Variants in WWOX observed in about 807,000 individuals in gnomAD.
WWOX encodes WW domain-containing oxidoreductase.
A neutral mutation model predicts 46.2 loss-of-function variants in WWOX; 69 were observed. The ratio of observed to expected loss-of-function variants is 1.49; its 90% CI spans 1.23 to 1.82. The LOEUF (loss-of-function observed/expected upper bound fraction) is 1.82, where lower values mean the gene tolerates loss of function less well. Ranked by LOEUF, WWOX falls within the 40% of genes most tolerant of loss-of-function variation. WWOX has a pLI of 0.00. For synonymous variants in WWOX, 359 were observed against 202.6 expected, an observed-to-expected ratio of 1.77 and a Z score of -6.56; for missense variants, 919 against 542.6, an observed-to-expected ratio of 1.69 and a Z score of -6.89.
At chr16:78,861,602 A>G (rs182461620) in intron 8 of WWOX, among the ~76,000 whole-genome samples, 37 of 152,348 alleles carry the variant, frequency 2.4e-4, no homozygotes, top group Non-Finnish European at 1.0e-4. Flanking sequence ...TGATAATTAC[A>G]GTATCATCAT....
chr16:79,065,562 A>G (rs1168933584), intron 8 of WWOX, among the ~76,000 whole-genome samples: 6 of 152,152 alleles, frequency 3.9e-5, no homozygotes, highest in African/African-American at 1.4e-4. Context: ...CAAAAAAACC[A>G]GTCTTAGGTT....
rs137875180 is a variant in WWOX, at chr16:79,026,877, C to G, written c.1057-184731C>G. Among the ~76,000 whole-genome samples the G allele has an allele frequency of 4.2e-3, 629 of 150,892 alleles. 29 individuals carry two copies. The highest frequency in any genetic ancestry group is 0.015 in the African/African-American group (617 of 40,702). On this transcript the variant is annotated intron_variant, in intron 8 of 8. Coordinates refer to ENST00000566780, the MANE Select transcript of WWOX (RefSeq NM_016373.4). Reference sequence around the variant, plus strand: ...ATCTCCTGACCTTGTGATCTGCCCACCTCAGCCTCCCAAAGTGCTGGGATT... The same window carrying G: ...ATCTCCTGACCTTGTGATCTGCCCAGCTCAGCCTCCCAAAGTGCTGGGATT...
chr16:78,378,234 A>C (rs1251188221), intron 5 of WWOX, among the ~76,000 whole-genome samples: 1 of 152,174 alleles, frequency 6.6e-6, no homozygotes, highest in Non-Finnish European at 1.5e-5. Context: ...TTAAAAGCAA[A>C]GTGATAAAAT....
intron 8 of WWOX, among the ~76,000 whole-genome samples, chr16:78,711,670 T>G (rs892870542): frequency 6.6e-6 from 1 of 152,172 alleles, no homozygotes; most frequent in Admixed American, 6.5e-5. Flanking sequence ...ACAGGCCAAA[T>G]GAAAGAACCT....
At chr16:78,152,655 C>G (rs763268690) in intron 4 of WWOX, among the ~76,000 whole-genome samples, 1 of 152,106 alleles carries the variant, frequency 6.6e-6, no homozygotes, top group East Asian at 1.9e-4. Flanking sequence ...CTCACTCATT[C>G]CTAACCAGGA....
intron 8 of WWOX, among the ~76,000 whole-genome samples, chr16:78,627,162 TTC>T (rs2046329637): frequency 6.6e-6 from 1 of 152,030 alleles, no homozygotes; most frequent in Admixed American, 6.6e-5. Context: ...TGTGGGTGAG[TTC>T]TCCCACTTTA....
chr16:78,619,401 C>G (rs2046121290), intron 8 of WWOX, among the ~76,000 whole-genome samples: 1 of 139,058 alleles, frequency 7.2e-6, no homozygotes, highest in South Asian at 2.3e-4. Flanking sequence ...TAGAAAAGGG[C>G]ACACACTCCA....
chr16:79,041,418 C>T (rs558714670), intron 8 of WWOX, among the ~76,000 whole-genome samples: 3 of 152,302 alleles, frequency 2.0e-5, no homozygotes, highest in East Asian at 1.9e-4. Context: ...CCTTGCGGTT[C>T]CTTGCCGGTG....
intron 8 of WWOX, among the ~76,000 whole-genome samples, chr16:79,020,839 A>C (rs1423658304): frequency 1.3e-5 from 2 of 152,138 alleles, no homozygotes; most frequent in Non-Finnish European, 2.9e-5. Context: ...TTGAGGTTTG[A>C]TGGTTTAATT....
At chr16:78,720,701 C>G (rs1276111102) in intron 8 of WWOX, among the ~76,000 whole-genome samples, 1 of 152,050 alleles carries the variant, frequency 6.6e-6, no homozygotes, top group African/African-American at 2.4e-5. Flanking sequence ...TATGATTCTG[C>G]AAGCGTGGTT....
intron 8 of WWOX, among the ~76,000 whole-genome samples, chr16:78,798,996 A>G (rs2050816099): frequency 6.6e-6 from 1 of 152,136 alleles, no homozygotes; most frequent in Non-Finnish European, 1.5e-5. Context: ...CGTAAACAAC[A>G]ATGTGAGCAA....
chr16:79,072,606 G>C (rs988729275), intron 8 of WWOX, among the ~76,000 whole-genome samples: 3 of 152,160 alleles, frequency 2.0e-5, no homozygotes, highest in East Asian at 1.9e-4. Context: ...AAGATATTCA[G>C]TATCATTATC....
chr16:78,390,388 G>C (rs774854641), intron 6 of WWOX, among the ~76,000 whole-genome samples: 7 of 152,186 alleles, frequency 4.6e-5, no homozygotes, highest in Non-Finnish European at 1.0e-4. Context: ...AACCTTGGAG[G>C]AAACTCTCAC....
intron 1 of WWOX, among the ~76,000 whole-genome samples, chr16:78,103,096 C>A (rs543334856): frequency 2.0e-5 from 3 of 152,268 alleles, no homozygotes; most frequent in African/African-American, 7.2e-5. Flanking sequence ...CGCCTGCCTT[C>A]CTGCTGCCTG....
chr16:79,015,589 G>C (rs761334379), intron 8 of WWOX, among the ~76,000 whole-genome samples: 1 of 152,100 alleles, frequency 6.6e-6, no homozygotes, highest in Admixed American at 6.5e-5. Flanking sequence ...AGGGTCACTG[G>C]TTGGGTTCCA....
intron 8 of WWOX, among the ~76,000 whole-genome samples, chr16:79,093,832 A>T (rs997559558): frequency 1.3e-5 from 2 of 152,154 alleles, no homozygotes; most frequent in Non-Finnish European, 2.9e-5. Flanking sequence ...GGCCTGAAGT[A>T]AAAAGGGAAA....
chr16:78,977,605 G>A (rs976857325), intron 8 of WWOX, among the ~76,000 whole-genome samples: 2 of 149,784 alleles, frequency 1.3e-5, no homozygotes, highest in Admixed American at 1.3e-4. Flanking sequence ...TTACAAAAAT[G>A]AAAGGGGAGA....
intron 8 of WWOX, among the ~76,000 whole-genome samples, chr16:78,910,344 G>T (rs1286877393): frequency 6.6e-6 from 1 of 151,146 alleles, no homozygotes; most frequent in Non-Finnish European, 1.5e-5. Flanking sequence ...ACTAACAAGG[G>T]CCCTGACAGC....
At chr16:78,601,780 T>C (rs2045628803) in intron 8 of WWOX, among the ~76,000 whole-genome samples, 1 of 152,188 alleles carries the variant, frequency 6.6e-6, no homozygotes, top group Non-Finnish European at 1.5e-5. Context: ...AGCAGGCTAT[T>C]TCAATGATTT....
Sources: allele counts gnomAD v4.1 joint callset (sites outside exome capture counted in the v4.1 genomes callset), GRCh38; gene constraint gnomAD v4.1.1; transcripts MANE v1.5; gene names NCBI Gene and HGNC (gene_info 2026-07-23, HGNC 2026-07-21).